R3HDM2: variants seen among roughly 807,000 people sequenced by gnomAD.
R3HDM2 encodes the protein R3H domain-containing protein 2.
A neutral mutation model predicts 124.5 loss-of-function variants in R3HDM2; 38 were observed. The ratio of observed to expected loss-of-function variants is 0.31; its 90% CI spans 0.24 to 0.40. R3HDM2 has a LOEUF of 0.40. Among genes scored for constraint, R3HDM2 ranks in the 10% least tolerant of loss-of-function variants. The pLI, the probability that R3HDM2 is intolerant of heterozygous loss-of-function variation, is 1.00. For missense variants in R3HDM2, 869 were observed against 1,236.9 expected, an observed-to-expected ratio of 0.70 and a Z score of 4.46; for synonymous variants, 391 against 448.0, an observed-to-expected ratio of 0.87 and a Z score of 1.61.
intron 2 of R3HDM2, among the ~76,000 whole-genome samples, chr12:57,314,094 A>G (rs944513805): frequency 6.6e-6 from 1 of 151,758 alleles, no homozygotes; most frequent in Non-Finnish European, 1.5e-5. Context: ...AGGCTGAGAC[A>G]GGAGAATCAC....
intron 2 of R3HDM2, among the ~76,000 whole-genome samples, chr12:57,394,172 C>G (rs1345236186): frequency 6.6e-6 from 1 of 151,728 alleles, no homozygotes; most frequent in Non-Finnish European, 1.5e-5. Flanking sequence ...TGGCATACAC[C>G]TGTAATCCCA....
At chr12:57,382,143 G>C (rs2064982433) in intron 2 of R3HDM2, among the ~76,000 whole-genome samples, 1 of 151,096 alleles carries the variant, frequency 6.6e-6, no homozygotes, top group Non-Finnish European at 1.5e-5. Flanking sequence ...TTTGGAGGCA[G>C]GGTCTCTATT....
At chr12:57,302,064 T>C (rs561617985) in intron 4 of R3HDM2, among the ~76,000 whole-genome samples, 268 of 152,222 alleles carry the variant, frequency 1.8e-3, no homozygotes, top group African/African-American at 6.1e-3. Context: ...GTGGATCGCT[T>C]GAGCCCAGGA....
At chr12:57,339,230 C>G (rs188518399) in intron 2 of R3HDM2, among the ~76,000 whole-genome samples, 1 of 152,044 alleles carries the variant, frequency 6.6e-6, no homozygotes, top group Non-Finnish European at 1.5e-5. Context: ...CTCCTGACCT[C>G]AAGTGATCCA....
intron 14 of R3HDM2, among the ~76,000 whole-genome samples, chr12:57,279,141 A>G (rs923448761): frequency 6.6e-6 from 1 of 151,218 alleles, no homozygotes; most frequent in African/African-American, 2.4e-5. Context: ...GAGTAAGTGA[A>G]GATCTCAGCA....
intron 2 of R3HDM2, among the ~76,000 whole-genome samples, chr12:57,346,081 C>T (rs1478591516): frequency 6.8e-6 from 1 of 147,994 alleles, no homozygotes. Flanking sequence ...TGCTTGAACC[C>T]GAGAGGTAGA....
intron 14 of R3HDM2, among the ~76,000 whole-genome samples, chr12:57,271,778 G>A (rs1355803231): frequency 6.6e-6 from 1 of 152,148 alleles, no homozygotes; most frequent in Non-Finnish European, 1.5e-5. Context: ...GAGTACAAAC[G>A]ATTTAAACAG....
chr12:57,306,547 T>C (rs1023561993), intron 3 of R3HDM2, among the ~76,000 whole-genome samples: 4 of 152,040 alleles, frequency 2.6e-5, no homozygotes, highest in Non-Finnish European at 4.4e-5. Flanking sequence ...TAGCTGGGAC[T>C]ACAGGCATGC....
At chr12:57,349,209 A>T (rs1264855537) in intron 2 of R3HDM2, among the ~76,000 whole-genome samples, 2 of 150,542 alleles carry the variant, frequency 1.3e-5, no homozygotes, top group Non-Finnish European at 3.0e-5. Flanking sequence ...TGAAACCCCG[A>T]CTCTACTAAA....
chr12:57,331,015 C>A (rs971381308), intron 2 of R3HDM2, among the ~76,000 whole-genome samples: 1 of 152,132 alleles, frequency 6.6e-6, no homozygotes, highest in African/African-American at 2.4e-5. Context: ...TTAGGGTTTT[C>A]TATATCTAAG....
At chr12:57,396,165 C>T (rs561484055) in intron 1 of R3HDM2, among the ~76,000 whole-genome samples, 9 of 152,290 alleles carry the variant, frequency 5.9e-5, no homozygotes, top group Non-Finnish European at 8.8e-5. Flanking sequence ...CTAGGCCGGG[C>T]GCGGTGGCTC....
intron 3 of R3HDM2, among the ~76,000 whole-genome samples, chr12:57,305,175 G>C (rs1026546784): frequency 6.6e-6 from 1 of 151,986 alleles, no homozygotes; most frequent in East Asian, 1.9e-4. Flanking sequence ...ACAGAGCAAG[G>C]CTCCGTTTCA....
chr12:57,280,504 A>C lies in R3HDM2; in HGVS notation c.1198T>G (p.Cys400Gly), dbSNP rs749400331. The part of the protein sequence containing the change: ...PGMALGAPEV[C>G]NQVTSSQSVR... ...GACTGGGATGAGGTGACCTGGTTGC[A>C]CACTTCTGGGGCACCTAGTGCCATA... Residue 400 changes from cysteine (C) to glycine (G), a missense_variant, in exon 14 of 24, where the codon TGC (cysteine) becomes GGC (glycine). Physicochemically the swap from Cys to Gly is radical, Grantham distance 159 (BLOSUM62 -3). Transcript: ENST00000402412. The C allele has an allele frequency of 6.2e-7, 1 of 1,613,148 alleles. No individual in the cohort carries two copies. The highest frequency in any genetic ancestry group is 1.1e-5 in the South Asian group (1 of 90,958).
chr12:57,386,222 GC>G (rs1320229690), intron 2 of R3HDM2, among the ~76,000 whole-genome samples: 1 of 152,200 alleles, frequency 6.6e-6, no homozygotes, highest in African/African-American at 2.4e-5. Context: ...CACTTGAGGA[GC>G]CCTTCAGCCC....
intron 19 of R3HDM2, among the ~76,000 whole-genome samples, chr12:57,265,634 T>C (rs895182009): frequency 6.6e-6 from 1 of 152,148 alleles, no homozygotes; most frequent in Non-Finnish European, 1.5e-5. Context: ...TTTCTTTTTT[T>C]TTCCCCCTAG....
intron 1 of R3HDM2, among the ~76,000 whole-genome samples, chr12:57,406,386 C>T (rs1416062824): frequency 6.6e-6 from 1 of 150,726 alleles, no homozygotes; most frequent in African/African-American, 2.4e-5. Context: ...TTGAAGAGTC[C>T]ATAATGACTA....
Position 57,254,929 on chromosome 12 carries a change from G to T in R3HDM2, c.2817C>A (p.Asp939Glu). ...SGTAENGRHS[D>E]LAALYTIVAV... ...CCACAATGGTGTACAAGGCAGCGAG[G>T]TCCGAGTGGCGGCCATTCTCAGCAG... Residue 939 changes from aspartate (D) to glutamate (E), a missense_variant, in exon 24 of 24, where the codon GAC becomes GAA. Physicochemically the swap from Asp to Glu is conservative, Grantham distance 45 (BLOSUM62 2). Coordinates refer to ENST00000402412, the MANE Select transcript of R3HDM2 (RefSeq NM_001394031.1). 1 of 1,614,142 alleles carries T rather than the reference G, an allele frequency of 6.2e-7. No homozygotes were observed. Among genetic ancestry groups the T allele is most frequent in the Non-Finnish European group, 8.5e-7 (1 of 1,180,002 alleles).
chr12:57,405,809 T>C (rs754809348), intron 1 of R3HDM2, among the ~76,000 whole-genome samples: 148 of 152,156 alleles, frequency 9.7e-4, no homozygotes, highest in Admixed American at 1.9e-3. Flanking sequence ...GATTGTGATC[T>C]CTAAACATCA....
chr12:57,329,488 A>G (rs2057804203), intron 2 of R3HDM2, among the ~76,000 whole-genome samples: 1 of 152,174 alleles, frequency 6.6e-6, no homozygotes, highest in South Asian at 2.1e-4. Flanking sequence ...CAAGATAACA[A>G]TTGCAAGGTG....
Sources: allele counts gnomAD v4.1 joint callset (sites outside exome capture counted in the v4.1 genomes callset), GRCh38; gene constraint gnomAD v4.1.1; transcripts MANE v1.5; gene names NCBI Gene and HGNC (gene_info 2026-07-23, HGNC 2026-07-21).